RIN2: variants seen among roughly 807,000 people sequenced by gnomAD.
RIN2 encodes RAB5 interacting protein 2.
In RIN2, 36 loss-of-function variants were observed where a neutral mutation model predicts 78.0. The ratio of observed to expected loss-of-function variants is 0.46; its 90% CI spans 0.35 to 0.61. The LOEUF is 0.61. RIN2 is among the 20% of genes least tolerant of loss of function. The pLI is 0.00. For synonymous variants in RIN2, 466 were observed against 466.8 expected (o/e 1.00, Z 0.02); for missense variants, 1,087 against 1,159.7 (o/e 0.94, Z 0.91).
intron 4 of RIN2, among the ~76,000 whole-genome samples, chr20:19,950,584 T>C (rs1320002092): frequency 1.3e-5 from 2 of 152,216 alleles, no homozygotes; most frequent in East Asian, 3.9e-4. Flanking sequence ...CTTTCTTTCT[T>C]TCTTTTGACA....
chr20:19,937,296 A>G (rs527424574), intron 4 of RIN2, among the ~76,000 whole-genome samples: 1 of 152,364 alleles, frequency 6.6e-6, no homozygotes, highest in Non-Finnish European at 1.5e-5. Flanking sequence ...AAAGCAGACC[A>G]GTAGGTAGCA....
chr20:19,844,643 T>TTCCTCTTCC (rs2036697993), intron 2 of RIN2, among the ~76,000 whole-genome samples: 1 of 134,992 alleles, frequency 7.4e-6, no homozygotes, highest in African/African-American at 2.9e-5. Flanking sequence ...CTTCTTCTTC[T>TTCCTCTTCC]TCTTCTTCTT....
intron 1 of RIN2, among the ~76,000 whole-genome samples, chr20:19,783,371 A>G (rs2034572598): frequency 1.3e-5 from 2 of 152,210 alleles, no homozygotes; most frequent in South Asian, 4.1e-4. Context: ...ATGCCACACC[A>G]GGGTTCTCTG....
chr20:19,900,121 G>A (rs1600733150), intron 3 of RIN2, among the ~76,000 whole-genome samples: 1 of 152,164 alleles, frequency 6.6e-6, no homozygotes, highest in Admixed American at 6.5e-5. Context: ...GAATGAATGT[G>A]GGTTTTTTGG....
intron 9 of RIN2, among the ~76,000 whole-genome samples, chr20:19,986,293 G>A (rs1054706938): frequency 2.0e-5 from 3 of 151,738 alleles, no homozygotes; most frequent in African/African-American, 7.3e-5. Context: ...TTAGGCTCTT[G>A]TCCCCTACTC....
At chr20:19,855,863 C>T (rs1232165264) in intron 2 of RIN2, among the ~76,000 whole-genome samples, 1 of 152,110 alleles carries the variant, frequency 6.6e-6, no homozygotes, top group African/African-American at 2.4e-5. Context: ...ATCACAAGGT[C>T]AGGAGTTCGA....
intron 2 of RIN2, chr20:19,823,364 T>C (rs2035985244): frequency 1.6e-6 from 1 of 610,482 alleles, no homozygotes; most frequent in Non-Finnish European, 2.9e-6. Flanking sequence ...AGTGAGTGAA[T>C]GGTGGTAACA....
At chr20:19,906,670 C>T (rs749829313) in intron 3 of RIN2, among the ~76,000 whole-genome samples, 1 of 152,156 alleles carries the variant, frequency 6.6e-6, no homozygotes, top group African/African-American at 2.4e-5. Flanking sequence ...GCAGCATCAC[C>T]ATCGTGGTCC....
intron 2 of RIN2, chr20:19,886,780 G>T: frequency 1.3e-6 from 2 of 1,527,600 alleles, no homozygotes; most frequent in East Asian, 2.5e-5. Flanking sequence ...CTCAAACTAC[G>T]GTACCCTTTT....
chr20:19,949,428 G>C (rs1427428876), intron 4 of RIN2, among the ~76,000 whole-genome samples: 1 of 152,228 alleles, frequency 6.6e-6, no homozygotes, highest in Non-Finnish European at 1.5e-5. Context: ...CAGCACACCT[G>C]CTGCCACCCA....
chr20:19,960,871 T>A (rs1234516480), intron 6 of RIN2, 60 bp downstream of exon 6: 3 of 1,057,746 alleles, frequency 2.8e-6, no homozygotes, highest in Non-Finnish European at 4.2e-6. Context: ...CTGCAGGGAG[T>A]GGAAATGGAA....
chr20:19,945,487 C>T (rs914836573), intron 4 of RIN2, among the ~76,000 whole-genome samples: 2 of 152,164 alleles, frequency 1.3e-5, no homozygotes, highest in Non-Finnish European at 2.9e-5. Flanking sequence ...GACTGTCTAC[C>T]CTCTACTTTC....
chr20:19,776,231 A>C (rs1436125726), intron 1 of RIN2, among the ~76,000 whole-genome samples: 1 of 152,206 alleles, frequency 6.6e-6, no homozygotes, highest in African/African-American at 2.4e-5. Context: ...GAATTCAGGC[A>C]CAGCTGACCA....
intron 2 of RIN2, chr20:19,886,758 AT>A (rs1345084227): frequency 1.1e-5 from 17 of 1,540,858 alleles, no homozygotes; most frequent in Non-Finnish European, 1.4e-5. Flanking sequence ...GTCTGGAGGA[AT>A]TTCACAGCCT....
chr20:19,952,338 C>T (rs1030725435), intron 4 of RIN2, among the ~76,000 whole-genome samples: 1 of 152,138 alleles, frequency 6.6e-6, no homozygotes, highest in Admixed American at 6.5e-5. Context: ...GGGTGCCTGC[C>T]CTAGAGGAGG....
At chr20:19,790,317 C>T (rs1355450600) in intron 1 of RIN2, among the ~76,000 whole-genome samples, 2 of 152,188 alleles carry the variant, frequency 1.3e-5, no homozygotes, top group Non-Finnish European at 2.9e-5. Context: ...GCTTCCCACT[C>T]AGATAACTTG....
intron 1 of RIN2, among the ~76,000 whole-genome samples, chr20:19,798,631 T>C (rs1460044073): frequency 6.6e-6 from 1 of 152,040 alleles, no homozygotes; most frequent in African/African-American, 2.4e-5. Flanking sequence ...CGTGTGTGTG[T>C]GCACGTGTGT....
chr20:19,961,337 G>C (rs1439093537), intron 6 of RIN2, among the ~76,000 whole-genome samples: 1 of 152,212 alleles, frequency 6.6e-6, no homozygotes, highest in Non-Finnish European at 1.5e-5. Flanking sequence ...ATTTTGAAGG[G>C]AGAGTGGTGT....
At chr20:19,888,287 G>A (rs975670553) in intron 2 of RIN2, among the ~76,000 whole-genome samples, 3 of 152,212 alleles carry the variant, frequency 2.0e-5, no homozygotes, top group South Asian at 2.1e-4. Flanking sequence ...ACAACTCACT[G>A]TGAGTGCAAG....
Sources: gnomAD v4.1 joint callset for allele counts (sites outside exome capture counted in the v4.1 genomes callset) on GRCh38, gnomAD v4.1.1 for gene constraint, MANE v1.5 for transcripts, NCBI Gene and HGNC (gene_info 2026-07-23, HGNC 2026-07-21) for gene names.